Variants in EHMT1 observed in about 807,000 individuals in gnomAD.
EHMT1 encodes histone-lysine N-methyltransferase EHMT1.
In EHMT1, 15 loss-of-function variants were observed where a neutral mutation model predicts 147.2. That is an observed-to-expected ratio of 0.10 (90% CI 0.07 to 0.16). EHMT1 has a LOEUF of 0.16. EHMT1 is among the 10% of genes least tolerant of loss of function. The probability of loss-of-function intolerance (pLI) is 1.00; values close to 1 mark genes in which losing one functional copy is unlikely to be tolerated. For synonymous variants in EHMT1, 795 were observed against 709.6 expected (o/e 1.12, Z -1.91); for missense variants, 1,587 against 1,772.4 (o/e 0.90, Z 1.88).
intron 25 of EHMT1, among the ~76,000 whole-genome samples, chr9:137,823,298 C>T (rs1323547577): frequency 6.6e-6 from 1 of 150,870 alleles, no homozygotes; most frequent in Non-Finnish European, 1.5e-5. Flanking sequence ...CAGGGTTTCA[C>T]CGTGTTAGCC....
intron 3 of EHMT1, among the ~76,000 whole-genome samples, chr9:137,724,109 G>A (rs549305530): frequency 6.6e-6 from 1 of 152,334 alleles, no homozygotes; most frequent in African/African-American, 2.4e-5. Context: ...TTCTCTCTGT[G>A]TGTGTGTTTC....
chr9:137,797,922 T>C (rs1196601558), intron 16 of EHMT1, among the ~76,000 whole-genome samples: 1 of 152,180 alleles, frequency 6.6e-6, no homozygotes, highest in East Asian at 1.9e-4. Context: ...GTAAGGCGTG[T>C]GGATGGCACA....
chr9:137,716,815 C>T lies in EHMT1; in HGVS notation c.275C>T (p.Ala92Val). The T allele has an allele frequency of 6.2e-7, 1 of 1,613,296 alleles. No individual in the cohort carries two copies. The highest frequency in any genetic ancestry group is 8.5e-7 in the Non-Finnish European group (1 of 1,179,886). Reference protein sequence around the residue: ...QDGTNTLTRIAENGVSERDSE... With the variant: ...QDGTNTLTRIVENGVSERDSE... ...GGCACCAACACACTAACTCGGATAG[C>T]GGAAAATGGGGTTTCAGAAAGAGAC... is the stretch of plus-strand genomic sequence containing the variant. The change falls in exon 3 of 27, where the codon GCG becomes GTG. Residue 92 changes from alanine to valine, a missense_variant. Ala to Val is a moderately conservative substitution (Grantham distance 64). This residue lies in a region of EHMT1 where 810 missense variants were observed against 673.0 expected (regional missense o/e 1.20). Transcript: ENST00000460843.
intron 1 of EHMT1, among the ~76,000 whole-genome samples, chr9:137,628,446 T>C (rs1843406553): frequency 6.6e-6 from 1 of 152,230 alleles, no homozygotes; most frequent in South Asian, 2.1e-4. Flanking sequence ...TTACACAATA[T>C]AATTTATAAA....
At chr9:137,673,932 C>G (rs1455306259) in intron 1 of EHMT1, among the ~76,000 whole-genome samples, 2 of 152,188 alleles carry the variant, frequency 1.3e-5, no homozygotes, top group Non-Finnish European at 2.9e-5. Context: ...TAGGGCTGTA[C>G]TGTTCTCTGG....
chr9:137,717,555 C>T (rs550884383), intron 3 of EHMT1, among the ~76,000 whole-genome samples: 5 of 145,776 alleles, frequency 3.4e-5, no homozygotes, highest in African/African-American at 1.3e-4. Context: ...GCAGTGAGCC[C>T]GGATCACCTC....
intron 2 of EHMT1, chr9:137,715,514 G>A (rs1433720382): frequency 1.0e-6 from 1 of 982,444 alleles, no homozygotes; most frequent in East Asian, 1.1e-4. Flanking sequence ...GAGGTGATAA[G>A]CACCAGGAAG....
At chr9:137,639,328 A>G (rs1350567137) in intron 1 of EHMT1, among the ~76,000 whole-genome samples, 1 of 152,170 alleles carries the variant, frequency 6.6e-6, no homozygotes, top group Non-Finnish European at 1.5e-5. Context: ...TGTTCCCTAT[A>G]TGTCAGATTG....
In EHMT1 at chr9:137,835,107, C is replaced by A; in HGVS notation, c.*154C>A. ...GTCGGAGGTGAGGCTGCAGCCCCTG[C>A]GGGCGGGTGTGGATGCCTCCCAGCC... On this transcript the variant is annotated 3_prime_UTR_variant, in exon 27 of 27. Transcript: ENST00000460843. 1 of 940,120 alleles carries A rather than the reference C, an allele frequency of 1.1e-6. No homozygotes were observed. Among genetic ancestry groups the A allele is most frequent in the Non-Finnish European group, 1.4e-6 (1 of 698,614 alleles). 58.2% of individuals were successfully genotyped at this position (940,120 alleles called of 1,614,324 possible).
Position 137,728,739 on chromosome 9 carries a change from C to T in EHMT1, c.823+210C>T. The T allele has an allele frequency of 3.1e-6, 2 of 649,900 alleles. 1 individual carries two copies. The highest frequency in any genetic ancestry group is 5.2e-5 in the Admixed American group (2 of 38,686). 40.3% of individuals were successfully genotyped at this position (649,900 alleles called of 1,614,324 possible). A position where few individuals can be genotyped will look rare whatever the true frequency, so the allele number is the denominator to read the frequency against. ...CCTTGTCTCATGCCAGCATTGATTT[C>T]CTAGCTTGTTAACATTCTCAAGATG... On this transcript the variant is annotated intron_variant, in intron 4 of 26. Coordinates refer to ENST00000460843, the MANE Select transcript of EHMT1 (RefSeq NM_024757.5).
Position 137,732,102 on chromosome 9 carries a change from C to T in EHMT1, c.823+3573C>T, listed in dbSNP as rs192720537. ...CCAGCTCGTTCAGTTCTGCCGCTTT[C>T]GCCCTGGCCTGCAGCTCCCAGGCTG... is the stretch of plus-strand genomic sequence containing the variant. On this transcript the variant is annotated intron_variant, in intron 4 of 26. Coordinates refer to ENST00000460843, the MANE Select transcript of EHMT1 (RefSeq NM_024757.5). The surrounding 1 kb of genome is among the most constrained non-coding windows in gnomAD (Gnocchi z 4.6). Among the ~76,000 whole-genome samples the T allele has an allele frequency of 3.1e-4, 47 of 152,332 alleles. No individual in the cohort carries two copies. The highest frequency in any genetic ancestry group is 9.4e-4 in the African/African-American group (39 of 41,576).
intron 13 of EHMT1, 31 bp from the exon 14 acceptor site, chr9:137,779,604 C>A: frequency 6.2e-7 from 1 of 1,612,360 alleles, no homozygotes; most frequent in African/African-American, 1.3e-5. Context: ...TGCAGAGCCC[C>A]ATGCTGACTG....
intron 1 of EHMT1, among the ~76,000 whole-genome samples, chr9:137,641,762 G>A (rs141207392): frequency 6.6e-6 from 1 of 152,260 alleles, no homozygotes; most frequent in African/African-American, 2.4e-5. Flanking sequence ...GGGTCATTCC[G>A]GGAGGAGAGT....
intron 1 of EHMT1, among the ~76,000 whole-genome samples, chr9:137,689,954 C>T (rs763407412): frequency 2.0e-5 from 3 of 152,112 alleles, no homozygotes; most frequent in Non-Finnish European, 2.9e-5. Context: ...TCTGGTCAGT[C>T]GTGGTGAACA....
At chr9:137,833,819 C>G (rs1956395255) in intron 25 of EHMT1, among the ~76,000 whole-genome samples, 1 of 152,236 alleles carries the variant, frequency 6.6e-6, no homozygotes, top group African/African-American at 2.4e-5. Flanking sequence ...TGTGGGCAGC[C>G]TCCGCCTGAC....
intron 1 of EHMT1, among the ~76,000 whole-genome samples, chr9:137,704,163 AG>A (rs1330441316): frequency 1.3e-5 from 2 of 152,174 alleles, no homozygotes; most frequent in Non-Finnish European, 2.9e-5. Flanking sequence ...ACCTCCCATC[AG>A]GCCCCTCCCC....
intron 1 of EHMT1, among the ~76,000 whole-genome samples, chr9:137,686,799 C>T (rs972141016): frequency 9.5e-5 from 14 of 147,854 alleles, no homozygotes; most frequent in East Asian, 7.8e-4. Flanking sequence ...GGCGTGATCT[C>T]GGCTCGCTAC....
intron 1 of EHMT1, among the ~76,000 whole-genome samples, chr9:137,655,012 T>C (rs992144574): frequency 6.6e-6 from 1 of 151,946 alleles, no homozygotes; most frequent in African/African-American, 2.4e-5. Flanking sequence ...TCTTTTTTTT[T>C]TTCGAGATGG....
chr9:137,657,440 G>A (rs1409002101), intron 1 of EHMT1, among the ~76,000 whole-genome samples: 1 of 151,990 alleles, frequency 6.6e-6, no homozygotes, highest in African/African-American at 2.4e-5. Flanking sequence ...GGTGGTTTGA[G>A]TGGAAGTCGG....
Sources: allele counts gnomAD v4.1 joint callset (sites outside exome capture counted in the v4.1 genomes callset), GRCh38; gene constraint gnomAD v4.1.1; regional missense constraint gnomAD v4.1.1; non-coding constraint Gnocchi (gnomAD v3.1); transcripts MANE v1.5; gene names NCBI Gene and HGNC (gene_info 2026-07-23, HGNC 2026-07-21).